ZNF345: variants seen among roughly 807,000 people sequenced by gnomAD.
The protein encoded by ZNF345 is zinc finger protein HZF10.
For synonymous variants in ZNF345, 166 were observed against 187.9 expected (o/e 0.88, Z 0.95); for missense variants, 527 against 589.9 (o/e 0.89, Z 1.10).
intron 2 of ZNF345, among the ~76,000 whole-genome samples, chr19:36,875,214 T>C (rs923064387): frequency 3.9e-5 from 6 of 152,014 alleles, no homozygotes; most frequent in African/African-American, 1.5e-4. Context: ...TTACCTATTA[T>C]CAAAACAAAA....
chr19:36,875,056 T>A (rs1404904566), intron 2 of ZNF345, among the ~76,000 whole-genome samples: 5 of 152,148 alleles, frequency 3.3e-5, no homozygotes, highest in African/African-American at 1.2e-4. Flanking sequence ...GCATTTAGGT[T>A]TTTTTTGCAT....
At chr19:36,884,723 TA>T (rs1834366430) in intron 3 of ZNF345, among the ~76,000 whole-genome samples, 1 of 152,214 alleles carries the variant, frequency 6.6e-6, no homozygotes, top group African/African-American at 2.4e-5. Context: ...AATCATGTTA[TA>T]CTGTCGGGTG....
At position 36,878,205 on chromosome 19, in the gene ZNF345, T is replaced by C; in HGVS notation, c.1375T>C (p.Cys459Arg). ...TGAGAAACTTTATGAATGTAAGAACTGTGGGAAGGCTTATGGGAGGGATTC... is the reference window on the plus strand; with the variant it reads ...TGAGAAACTTTATGAATGTAAGAACCGTGGGAAGGCTTATGGGAGGGATTC... ...TGEKLYECKN[C>R]GKAYGRDSEF... Residue 459 changes from cysteine to arginine, a missense_variant, in exon 3 of 3, where the codon TGT (cysteine) becomes CGT (arginine). Coordinates refer to ENST00000420450, the MANE Select transcript of ZNF345 (RefSeq NM_001242472.2). 1 of 1,614,082 alleles carries C rather than the reference T, an allele frequency of 6.2e-7. No individual in the cohort carries two copies. Among genetic ancestry groups the C allele is most frequent in the Non-Finnish European group, 8.5e-7 (1 of 1,179,980 alleles).
chr19:36,863,523 G>A (rs1422707699), intron 2 of ZNF345, among the ~76,000 whole-genome samples: 3 of 152,340 alleles, frequency 2.0e-5, no homozygotes, highest in South Asian at 2.1e-4. Flanking sequence ...CCAAATTTCA[G>A]GTTCCTATTC....
At chr19:36,884,147 C>A (rs1453394093), downstream of ZNF345, among the ~76,000 whole-genome samples, 1 of 152,134 alleles carries the variant, frequency 6.6e-6, no homozygotes, top group Non-Finnish European at 1.5e-5. Context: ...CTCACTGCAA[C>A]CTCCGCCTCC....
chr19:36,888,070 T>C (rs989094081), intron 3 of ZNF345: 5 of 152,022 alleles, frequency 3.3e-5, no homozygotes, highest in Admixed American at 6.6e-5. Flanking sequence ...AAGAAATATA[T>C]ATATTTCTTA....
rs2072891385 is a variant in ZNF345 at position 36,876,890 on chromosome 19, T to C, written c.60T>C (p.Cys20=). 6.2e-7 allele frequency: 1 copy of C among 1,613,938 alleles called. No homozygotes were observed. The highest frequency in any genetic ancestry group is 1.7e-5 in the Admixed American group (1 of 59,998). The stretch of plus-strand genomic sequence containing the variant: ...CAAGTTTCAGAGGTGATTGGGAATG[T>C]AAAAACCAGTTTGAGAGAAAACAGG... The part of the protein sequence containing the change: ...ECSSFRGDWE[C]KNQFERKQGS... Residue 20 remains cysteine, a synonymous_variant, in exon 3 of 3, where the codon TGT becomes TGC. Transcript: ENST00000420450.
At chr19:36,863,625 A>G (rs113520965) in intron 2 of ZNF345, among the ~76,000 whole-genome samples, 2,593 of 152,306 alleles carry the variant, frequency 0.017, 83 homozygotes, top group African/African-American at 0.059. Flanking sequence ...TGTGTTTTTC[A>G]GCAATGTCAG....
downstream of ZNF345, among the ~76,000 whole-genome samples, chr19:36,882,482 T>C (rs2072974865): frequency 6.6e-6 from 1 of 152,222 alleles, no homozygotes; most frequent in Non-Finnish European, 1.5e-5. Context: ...TTGGCCAGGA[T>C]GGTCTCGATC....
At chr19:36,853,959 C>T (rs753327688) in intron 2 of ZNF345, among the ~76,000 whole-genome samples, 6 of 152,026 alleles carry the variant, frequency 3.9e-5, no homozygotes, top group Non-Finnish European at 8.8e-5. Flanking sequence ...TTGCATGGTA[C>T]GTATAATTTT....
rs73933142 is a variant in ZNF345, at chr19:36,863,689, T to C, written c.-47+11785T>C. Among the ~76,000 whole-genome samples, 1,086 of 152,362 alleles carry C rather than the reference T, an allele frequency of 7.1e-3. 17 individuals are homozygous for C. Among genetic ancestry groups the C allele is most frequent in the African/African-American group, 0.025 (1,032 of 41,588 alleles). On this transcript the variant is annotated intron_variant, in intron 2 of 2. Coordinates refer to ENST00000420450, the MANE Select transcript of ZNF345 (RefSeq NM_001242472.2). ...TTTTAGGATTTTTATGGAAATGCTC[T>C]CATTCTCAGATTGTGACTTGAACTG...
At chr19:36,876,747 A>G in intron 2 of ZNF345, 38 bp from the exon 3 acceptor site, 2 of 1,374,054 alleles carry the variant, frequency 1.5e-6, no homozygotes, top group East Asian at 2.3e-5. Flanking sequence ...CTCCCAGAAC[A>G]CAAAAAAGTG....
At chr19:36,866,081 G>A (rs905981802) in intron 2 of ZNF345, among the ~76,000 whole-genome samples, 1 of 152,028 alleles carries the variant, frequency 6.6e-6, no homozygotes, top group South Asian at 2.1e-4. Context: ...TAGGGTGTGT[G>A]TGTGTGTTCA....
At chr19:36,856,111 T>C (rs919953064) in intron 2 of ZNF345, among the ~76,000 whole-genome samples, 2 of 152,202 alleles carry the variant, frequency 1.3e-5, no homozygotes, top group South Asian at 2.1e-4. Flanking sequence ...GAAAATGTTA[T>C]TTCCCTTCTT....
At chr19:36,872,808 A>T (rs1280588585) in intron 2 of ZNF345, 2 of 152,190 alleles carry the variant, frequency 1.3e-5, no homozygotes, top group African/African-American at 4.8e-5. Context: ...ATTAATAAAT[A>T]ATCTGTAGAG....
At position 36,877,972 on chromosome 19, in the gene ZNF345, GT is replaced by G; in HGVS notation, c.1143del (p.Ser381ArgfsTer10). The G allele has an allele frequency of 6.2e-7, 1 of 1,614,032 alleles. No homozygotes were observed. The highest frequency in any genetic ancestry group is 8.5e-7 in the Non-Finnish European group (1 of 1,179,906). The part of the protein sequence containing the change: ...ECKECGKAFG[S>X]GSKLIQHQLI... ...AAGGAATGTGGGAAGGCCTTTGGTA[GT>G]GGCTCAAAACTTATCCAACACCAGC... is the stretch of plus-strand genomic sequence containing the variant. On this transcript the variant is annotated frameshift_variant, in exon 3 of 3. Transcript: ENST00000420450. LOFTEE classifies it low-confidence loss of function (END_TRUNC).
Position 36,876,977 on chromosome 19 carries a change from T to C in ZNF345, c.147T>C (p.Ser49=). The stretch of plus-strand genomic sequence containing the variant: ...CTCCTGAAGACATGCCCACTTTCAG[T>C]ATCCAGCATCAGAGAATTCATACTG... ...IFTPEDMPTF[S]IQHQRIHTDE... is the part of the protein sequence containing the mutation. Residue 49 remains serine, a synonymous_variant, in exon 3 of 3, where the codon AGT becomes AGC. Coordinates refer to ENST00000420450, the MANE Select transcript of ZNF345 (RefSeq NM_001242472.2). 1 of 1,614,200 alleles carries C rather than the reference T, an allele frequency of 6.2e-7. No homozygotes were observed. The highest frequency in any genetic ancestry group is 8.5e-7 in the Non-Finnish European group (1 of 1,180,012).
At chr19:36,884,423 G>A (rs1464946181), downstream of ZNF345, among the ~76,000 whole-genome samples, 2 of 152,140 alleles carry the variant, frequency 1.3e-5, no homozygotes, top group Admixed American at 1.3e-4. Context: ...GAGACACATA[G>A]AATGAAGTCT....
Position 36,877,311 on chromosome 19 carries a change from C to T in ZNF345, c.481C>T (p.Leu161Phe). The change falls in exon 3 of 3, where the codon CTT becomes TTT. Residue 161 changes from leucine (L) to phenylalanine (F), a missense_variant. Coordinates refer to ENST00000420450, the MANE Select transcript of ZNF345 (RefSeq NM_001242472.2). ...CGKAFSFGSG[L>F]IRHQIIHSGE... Reference sequence around the variant, plus strand: ...GAAAGCCTTTAGTTTTGGATCAGGCCTTATTCGACATCAGATCATTCACAG... The same window carrying T: ...GAAAGCCTTTAGTTTTGGATCAGGCTTTATTCGACATCAGATCATTCACAG... 1 of 1,613,696 alleles carries T rather than the reference C, an allele frequency of 6.2e-7. No homozygotes were observed. Among genetic ancestry groups the T allele is most frequent in the Non-Finnish European group, 8.5e-7 (1 of 1,179,944 alleles).
Sources: allele counts gnomAD v4.1 joint callset (sites outside exome capture counted in the v4.1 genomes callset), GRCh38; gene constraint gnomAD v4.1.1; transcripts MANE v1.5; gene names NCBI Gene and HGNC (gene_info 2026-07-23, HGNC 2026-07-21).